The following SRCAP variants were observed in gnomAD, a reference collection of about 807,000 sequenced individuals.
The protein encoded by SRCAP is chromatin remodeling protein SRCAP.
A neutral mutation model predicts 263.1 loss-of-function variants in SRCAP; 46 were observed. The observed-to-expected ratio is 0.17, with a 90% CI of 0.14 to 0.22. The LOEUF is 0.22. Ranked by LOEUF, SRCAP falls within the 10% of genes least tolerant of loss-of-function variation. The pLI, the probability that SRCAP is intolerant of heterozygous loss-of-function variation, is 1.00. For missense variants in SRCAP, 3,695 were observed against 4,181.9 expected, an observed-to-expected ratio of 0.88 and a Z score of 3.21; for synonymous variants, 1,813 against 1,662.1, an observed-to-expected ratio of 1.09 and a Z score of -2.21.
intron 25 of SRCAP, among the ~76,000 whole-genome samples, 184 bp from the exon 26 acceptor site, chr16:30,728,780 GAA>G (rs992813137): frequency 4.6e-5 from 7 of 151,988 alleles, no homozygotes; most frequent in Non-Finnish European, 7.4e-5. Context: ...ACATAAAAAA[GAA>G]AGTTATTTAA....
chr16:30,707,765 G>T, intron 6 of SRCAP, 53 bp downstream of exon 6: 2 of 1,602,450 alleles, frequency 1.2e-6, no homozygotes, highest in South Asian at 2.2e-5. Context: ...ATTGGTAGAT[G>T]GCGTGGTAGT....
chr16:30,732,392 C>T lies in SRCAP; in HGVS notation c.6128-888C>T, dbSNP rs140300032. On this transcript the variant is annotated intron_variant, in intron 27 of 33. Coordinates refer to ENST00000262518, the MANE Select transcript of SRCAP (RefSeq NM_006662.3). ...CTTGAATCCAGGAGGTGGAGGTTGC[C>T]GTGAGCTGAGATTCCACCATTGCAC... Among the ~76,000 whole-genome samples, 673 of 145,868 alleles carry T rather than the reference C, an allele frequency of 4.6e-3. 4 individuals are homozygous for T. The highest frequency in any genetic ancestry group is 0.016 in the African/African-American group (634 of 39,410).
Position 30,733,221 on chromosome 16 carries a change from A to T in SRCAP, c.6128-59A>T. The T allele has an allele frequency of 6.4e-7, 1 of 1,565,588 alleles. No homozygotes were observed. The highest frequency in any genetic ancestry group is 8.7e-7 in the Non-Finnish European group (1 of 1,151,646). ...CTTTCAACCCCAGCCTTGCATTGCT[A>T]AGCATTCTACCCATTGCGGCTTGTA... is the stretch of plus-strand genomic sequence containing the variant. On this transcript the variant is annotated intron_variant, in intron 27 of 33. Coordinates refer to ENST00000262518, the MANE Select transcript of SRCAP (RefSeq NM_006662.3). The surrounding 1 kb of genome is among the most constrained non-coding windows in gnomAD (Gnocchi z 5.3).
chr16:30,716,203 G>A lies in SRCAP; in HGVS notation c.2630+1G>A, dbSNP rs2052947159. Reference sequence around the variant, plus strand: ...ATGATGACTTCATGGCACAGACCACGTAAGGGAGGAAGGAGGGTGGGCCCT... The same window carrying A: ...ATGATGACTTCATGGCACAGACCACATAAGGGAGGAAGGAGGGTGGGCCCT... On this transcript the variant is annotated splice_donor_variant, in intron 17 of 33. Transcript: ENST00000262518. LOFTEE classifies it high-confidence loss of function. 2 of 1,613,974 alleles carry A rather than the reference G, an allele frequency of 1.2e-6. No homozygotes were observed. The highest frequency in any genetic ancestry group is 1.7e-6 in the Non-Finnish European group (2 of 1,179,956).
At chr16:30,718,900 CTTTTT>C (rs769660970) in intron 18 of SRCAP, among the ~76,000 whole-genome samples, 5 of 143,258 alleles carry the variant, frequency 3.5e-5, no homozygotes, top group African/African-American at 1.3e-4. Context: ...GTTATTACTA[CTTTTT>C]TTTTTTTTTG....
chr16:30,723,584 C>T lies in SRCAP; in HGVS notation c.4160C>T (p.Ala1387Val), dbSNP rs572379149. The T allele has an allele frequency of 6.2e-7, 1 of 1,610,766 alleles. No homozygotes were observed. The highest frequency in any genetic ancestry group is 1.1e-5 in the South Asian group (1 of 90,504). Residue 1387 changes from alanine to valine, a missense_variant and splice_region_variant, in exon 25 of 34, where the codon GCT becomes GTT. Coordinates refer to ENST00000262518, the MANE Select transcript of SRCAP (RefSeq NM_006662.3). ...GCTAACTCATCCTCTCTCTCCACAG[C>T]TTCAGCCCCCGGAGCTGCCCCCTTG... ...LVHSPSPEVS[A>V]SAPGAAPLTI...
At chr16:30,710,501 G>A (rs1436123541) in intron 8 of SRCAP, 1 of 745,232 alleles carries the variant, frequency 1.3e-6, no homozygotes, top group East Asian at 2.5e-5. Context: ...TATGTCTCAA[G>A]TGCATGGGGA....
intron 4 of SRCAP, 86 bp downstream of exon 4, chr16:30,704,401 CT>C: frequency 6.7e-7 from 1 of 1,487,008 alleles, no homozygotes; most frequent in Non-Finnish European, 9.0e-7. Context: ...TGTTTCTTTT[CT>C]TTTTTGTCAT....
chr16:30,736,449 C>A, intron 32 of SRCAP, 55 bp downstream of exon 32: 2 of 1,606,130 alleles, frequency 1.2e-6, no homozygotes, highest in Non-Finnish European at 1.7e-6. Flanking sequence ...GGCTTGTGAC[C>A]CTCCTTTTGT....
chr16:30,719,824 G>A (rs551649036), intron 18 of SRCAP, among the ~76,000 whole-genome samples: 4 of 152,104 alleles, frequency 2.6e-5, no homozygotes, highest in Non-Finnish European at 5.9e-5. Context: ...TTTTATTTTG[G>A]AGTAAGGGTG....
At chr16:30,715,863 C>A (rs1248369199) in intron 16 of SRCAP, among the ~76,000 whole-genome samples, 1 of 152,166 alleles carries the variant, frequency 6.6e-6, no homozygotes, top group Non-Finnish European at 1.5e-5. Flanking sequence ...TTCCTTATAT[C>A]ACTTCCTGTG....
Position 30,736,193 on chromosome 16 carries a change from C to G in SRCAP, c.6730-7C>G. 4 of 1,613,910 alleles carry G rather than the reference C, an allele frequency of 2.5e-6. No individual in the cohort carries two copies. The highest frequency in any genetic ancestry group is 3.4e-6 in the Non-Finnish European group (4 of 1,180,002). On this transcript the variant is annotated splice_region_variant and splice_polypyrimidine_tract_variant and intron_variant, in intron 31 of 33. Coordinates refer to ENST00000262518, the MANE Select transcript of SRCAP (RefSeq NM_006662.3). ...ATGTTTTCTTTTTCTTTTATACACC[C>G]TGGTAGGCATTGTGTCGGGCAGAAG...
chr16:30,715,346 A>C (rs1359248598), intron 16 of SRCAP, among the ~76,000 whole-genome samples: 1 of 151,482 alleles, frequency 6.6e-6, no homozygotes. Context: ...CAGGCGGATC[A>C]CGAGGTCAGG....
At chr16:30,731,405 C>T (rs896554191) in intron 27 of SRCAP, among the ~76,000 whole-genome samples, 4 of 152,042 alleles carry the variant, frequency 2.6e-5, no homozygotes, top group Non-Finnish European at 5.9e-5. Context: ...GTTCCACAGC[C>T]CTGCACAGAC....
At chr16:30,728,004 T>C (rs914904870) in intron 25 of SRCAP, among the ~76,000 whole-genome samples, 3 of 152,206 alleles carry the variant, frequency 2.0e-5, no homozygotes, top group African/African-American at 7.2e-5. Flanking sequence ...TTTGCTACTA[T>C]TGGGAGCTAG....
chr16:30,722,508 C>G (rs2053020559), intron 22 of SRCAP, 55 bp from the exon 23 acceptor site: 1 of 1,595,242 alleles, frequency 6.3e-7, no homozygotes, highest in African/African-American at 1.3e-5. Flanking sequence ...CTTGCCTCTG[C>G]CCTCCTCAGG....
chr16:30,738,447 C>G lies in SRCAP; in HGVS notation c.8407C>G (p.Pro2803Ala), dbSNP rs752848372. 74 of 1,558,606 alleles carry G rather than the reference C, an allele frequency of 4.7e-5. No individual in the cohort carries two copies. The highest frequency in any genetic ancestry group is 6.2e-5 in the Non-Finnish European group (71 of 1,152,442). The change falls in exon 34 of 34, where the codon CCT becomes GCT. Residue 2803 changes from proline to alanine, a missense_variant. Physicochemically the swap from Pro to Ala is conservative, Grantham distance 27. Transcript: ENST00000262518. ...VRSMSGPESS[P>A]PIGGPCEAAP... ...CAGCATGTCAGGGCCAGAATCCTCC[C>G]CTCCCATTGGTGGGCCCTGTGAAGC...
chr16:30,712,277 C>A lies in SRCAP; in HGVS notation c.1831C>A (p.Pro611Thr). The A allele has an allele frequency of 6.3e-7, 1 of 1,597,124 alleles. No individual in the cohort carries two copies. The change falls in exon 13 of 34, where the codon CCC becomes ACC. Residue 611 changes from proline to threonine, a missense_variant. By Grantham distance (38) the Pro-to-Thr change is conservative. Coordinates refer to ENST00000262518, the MANE Select transcript of SRCAP (RefSeq NM_006662.3). ...LATTQVKTPI[P>T]LLLRGQLREY... ...TCTCTGACAGGTAAAGACGCCCATT[C>A]CCCTGCTTCTGCGGGGCCAGCTCCG... is the stretch of plus-strand genomic sequence containing the variant.
In SRCAP at chr16:30,741,336, G is replaced by C. The variant is rs1259366679; in HGVS notation, c.*1603G>C. ...GCTCTCTGACATCTATAATACTCAG[G>C]GGGCAGCCTCTTGGGAATTTGGGGG... On this transcript the variant is annotated 3_prime_UTR_variant, in exon 34 of 34. Transcript: ENST00000262518. 1 of 159,330 alleles carries C rather than the reference G, an allele frequency of 6.3e-6. No individual in the cohort carries two copies. The highest frequency in any genetic ancestry group is 2.4e-5 in the African/African-American group (1 of 41,630). 9.9% of individuals were successfully genotyped at this position (159,330 alleles called of 1,614,324 possible). A position where few individuals can be genotyped will look rare whatever the true frequency, so the allele number is the denominator to read the frequency against.
Sources: gnomAD v4.1 joint callset for allele counts (sites outside exome capture counted in the v4.1 genomes callset) on GRCh38, gnomAD v4.1.1 for gene constraint, Gnocchi (gnomAD v3.1) non-coding constraint, MANE v1.5 for transcripts, NCBI Gene and HGNC (gene_info 2026-07-23, HGNC 2026-07-21) for gene names.